Variants in SOX5 observed in about 807,000 individuals in gnomAD.
SOX5 encodes transcription factor SOX-5.
SOX5 carries 9 observed loss-of-function variants against 92.0 expected under a neutral mutation model. That is an observed-to-expected ratio of 0.10 (90% CI 0.06 to 0.17). SOX5 has a LOEUF of 0.17. Among genes scored for constraint, SOX5 ranks in the 10% least tolerant of loss-of-function variants. The probability of loss-of-function intolerance (pLI) is 1.00; values close to 1 mark genes in which losing one functional copy is unlikely to be tolerated. For missense variants in SOX5, 642 were observed against 944.5 expected (o/e 0.68, Z 4.20); for synonymous variants, 344 against 336.3 (o/e 1.02, Z -0.25).
At position 23,640,904 on chromosome 12, in the gene SOX5, AAG is replaced by A. The variant is rs1454123395; in HGVS notation, c.932-9_932-8del. On this transcript the variant is annotated splice_region_variant and splice_polypyrimidine_tract_variant and intron_variant, in intron 7 of 14. Coordinates refer to ENST00000451604, the MANE Select transcript of SOX5 (RefSeq NM_006940.6). ...TGAACAGGGTAAGGGTCACCTAAGT[AAG>A]AGAATAATAGAGGCGTCAGCACCTT... The A allele has an allele frequency of 6.2e-7, 1 of 1,603,490 alleles. No homozygotes were observed. Among genetic ancestry groups the A allele is most frequent in the Admixed American group, 1.7e-5 (1 of 58,972 alleles).
chr12:23,541,509 G>GAATATAGTCACAAAA (rs981592571), intron 13 of SOX5, among the ~76,000 whole-genome samples: 2 of 152,066 alleles, frequency 1.3e-5, no homozygotes, highest in African/African-American at 4.8e-5. Flanking sequence ...ATGGAAGGTA[G>GAATATAGTCACAAAA]AATATAGTCA....
At chr12:24,414,884 T>C (rs886831993) in intron 1 of SOX5, among the ~76,000 whole-genome samples, 4 of 152,082 alleles carry the variant, frequency 2.6e-5, no homozygotes, top group African/African-American at 9.7e-5. Flanking sequence ...CTTGTCTTTT[T>C]CTCCTTTTCA....
intron 1 of SOX5, among the ~76,000 whole-genome samples, chr12:23,921,006 C>T (rs1484954445): frequency 3.3e-5 from 5 of 152,084 alleles, no homozygotes; most frequent in East Asian, 3.9e-4. Flanking sequence ...ATTCTTTGGG[C>T]TAACACAGTG....
intron 6 of SOX5, among the ~76,000 whole-genome samples, chr12:23,670,727 A>G (rs2084635992): frequency 6.6e-6 from 1 of 152,028 alleles, no homozygotes; most frequent in Non-Finnish European, 1.5e-5. Context: ...AAAATTAGAG[A>G]GATTGGAATT....
rs553916601 is a variant in SOX5, at chr12:23,621,876, T to C, written c.1018-17343A>G. ...GTAAAAGGTAGTTCTCTCTTCATTT[T>C]CCCTTCCTACTCCAAAGCTAGCTTC... On this transcript the variant is annotated intron_variant, in intron 8 of 14. Transcript: ENST00000451604. Among the ~76,000 whole-genome samples, 59 of 152,220 alleles carry C rather than the reference T, an allele frequency of 3.9e-4. No individual in the cohort carries two copies. The South Asian group carries it at 5.6e-3, about 14-fold the overall frequency.
At chr12:23,720,865 C>A (rs1014931093) in intron 6 of SOX5, among the ~76,000 whole-genome samples, 1 of 152,030 alleles carries the variant, frequency 6.6e-6, no homozygotes, top group South Asian at 2.1e-4. Context: ...CACAATTGCT[C>A]TTATTTTGTG....
intron 3 of SOX5, among the ~76,000 whole-genome samples, chr12:23,801,407 C>G (rs1257838709): frequency 6.6e-6 from 1 of 152,100 alleles, no homozygotes; most frequent in Non-Finnish European, 1.5e-5. Context: ...AGGTGGCAAT[C>G]AAAAGATGGT....
rs1214814025 is a variant in SOX5, at chr12:23,533,786, CT to C, written c.*432del. ...AGAAACCCCAAAAAACAAAACAAAA[CT>C]TTTTTCTTTTTAAAAATTGTAGCAC... On this transcript the variant is annotated 3_prime_UTR_variant, in exon 15 of 15. Coordinates refer to ENST00000451604, the MANE Select transcript of SOX5 (RefSeq NM_006940.6). 1 of 152,872 alleles carries C rather than the reference CT, an allele frequency of 6.5e-6. No homozygotes were observed. The highest frequency in any genetic ancestry group is 1.5e-5 in the Non-Finnish European group (1 of 68,398). 9.5% of individuals were successfully genotyped at this position (152,872 alleles called of 1,614,324 possible). A position where few individuals can be genotyped will look rare whatever the true frequency, so the allele number is the denominator to read the frequency against.
At chr12:23,692,458 T>G (rs2089032108) in intron 6 of SOX5, among the ~76,000 whole-genome samples, 2 of 147,610 alleles carry the variant, frequency 1.4e-5, no homozygotes, top group South Asian at 4.3e-4. Context: ...AAAAAAAGAT[T>G]TATATTTTCC....
At chr12:23,678,886 CA>C (rs2086126156) in intron 6 of SOX5, among the ~76,000 whole-genome samples, 1 of 151,772 alleles carries the variant, frequency 6.6e-6, no homozygotes, top group Admixed American at 6.6e-5. Context: ...TCTTACGTAT[CA>C]AAATAAATTA....
At chr12:24,403,017 G>A (rs1202009637) in intron 1 of SOX5, among the ~76,000 whole-genome samples, 1 of 152,058 alleles carries the variant, frequency 6.6e-6, no homozygotes, top group East Asian at 1.9e-4. Flanking sequence ...AGGATAACAG[G>A]CACAAATCTT....
At chr12:24,208,479 C>G (rs1263786681) in intron 4 of SOX5, among the ~76,000 whole-genome samples, 1 of 152,174 alleles carries the variant, frequency 6.6e-6, no homozygotes, top group East Asian at 1.9e-4. Context: ...ACATAAGACA[C>G]CAGAGCTTTA....
chr12:24,056,747 G>C (rs180826116), intron 4 of SOX5, among the ~76,000 whole-genome samples: 2 of 151,536 alleles, frequency 1.3e-5, no homozygotes, highest in Admixed American at 6.6e-5. Flanking sequence ...AGGCCGAGGC[G>C]GGCGGATCAC....
At chr12:23,852,783 G>C (rs557383536) in intron 2 of SOX5, among the ~76,000 whole-genome samples, 15 of 152,014 alleles carry the variant, frequency 9.9e-5, no homozygotes, top group Non-Finnish European at 2.1e-4. Context: ...GCATCACCGG[G>C]GAACACTTTC....
intron 3 of SOX5, chr12:24,213,419 T>TAAAAAAAAAAAAAAAAAAAAGA (rs1958863864): frequency 1.0e-5 from 1 of 96,864 alleles, no homozygotes; most frequent in African/African-American, 4.0e-5. Context: ...CTTGAAATGC[T>TAAAAAAAAAAAAAAAAAAAAGA]AAAAAAAAAA....
intron 2 of SOX5, among the ~76,000 whole-genome samples, chr12:23,852,684 A>G (rs1407070817): frequency 6.6e-6 from 1 of 152,206 alleles, no homozygotes; most frequent in African/African-American, 2.4e-5. Context: ...TTCAAATGGT[A>G]CTAAACAGCA....
At chr12:24,264,327 T>C (rs1392146910) in intron 3 of SOX5, among the ~76,000 whole-genome samples, 1 of 152,192 alleles carries the variant, frequency 6.6e-6, no homozygotes, top group Non-Finnish European at 1.5e-5. Context: ...TACATACATT[T>C]TCTTTTAAAA....
chr12:24,212,400 T>G (rs1246569968), intron 4 of SOX5: 1 of 533,724 alleles, frequency 1.9e-6, no homozygotes, highest in Non-Finnish European at 3.8e-6. Flanking sequence ...CTCTGTATAA[T>G]GAAAACTGAA....
chr12:23,979,313 T>C (rs902609439), intron 4 of SOX5, among the ~76,000 whole-genome samples: 11 of 152,128 alleles, frequency 7.2e-5, no homozygotes, highest in African/African-American at 2.2e-4. Flanking sequence ...AACCTCTGCT[T>C]CCCAGGTTCA....
Sources: allele counts gnomAD v4.1 joint callset (sites outside exome capture counted in the v4.1 genomes callset), GRCh38; gene constraint gnomAD v4.1.1; transcripts MANE v1.5; gene names NCBI Gene and HGNC (gene_info 2026-07-23, HGNC 2026-07-21).